Variants in TRIM59 observed in about 807,000 individuals in gnomAD.
TRIM59 encodes tripartite motif containing 59, also known as tripartite motif-containing protein 59.
TRIM59 carries 14 observed loss-of-function variants against 32.2 expected under a neutral mutation model. The observed-to-expected ratio is 0.43, with a 90% CI of 0.29 to 0.68. The LOEUF (loss-of-function observed/expected upper bound fraction) is 0.68, where lower values mean the gene tolerates loss of function less well. Among genes scored for constraint, TRIM59 ranks in the 30% least tolerant of loss-of-function variants. TRIM59 has a pLI of 0.15. For synonymous variants in TRIM59, 163 were observed against 155.1 expected, an observed-to-expected ratio of 1.05 and a Z score of -0.38; for missense variants, 471 against 463.3, an observed-to-expected ratio of 1.02 and a Z score of -0.15.
At position 160,435,951 on chromosome 3, in the gene TRIM59, CATA is replaced by C. The variant is rs1718919414; in HGVS notation, c.*2018_*2020del. The C allele has an allele frequency of 1.2e-5, 16 of 1,282,220 alleles. No individual in the cohort carries two copies. In the South Asian group the frequency reaches 1.4e-4, roughly 11 times the overall value. The allele number at this position is 1,282,220 out of a possible 1,614,324, so 79.4% of individuals were successfully genotyped here. On this transcript the variant is annotated 3_prime_UTR_variant, in exon 3 of 3. Coordinates refer to ENST00000309784, the MANE Select transcript of TRIM59 (RefSeq NM_173084.3). ...AGAAATGAGATTAAGTAGTTTAACACATAATGGCTAACATTTCATTGCTTACGT... is the reference window on the plus strand; with the variant it reads ...AGAAATGAGATTAAGTAGTTTAACACATGGCTAACATTTCATTGCTTACGT...
At chr3:160,442,348 A>C (rs1328549617) in intron 2 of TRIM59, among the ~76,000 whole-genome samples, 1 of 152,184 alleles carries the variant, frequency 6.6e-6, no homozygotes, top group Non-Finnish European at 1.5e-5. Context: ...GAAGCAGGCC[A>C]AAGCAGGTGG....
rs1057319630 is a variant in TRIM59, at chr3:160,448,766, C to G, written c.-44G>C. On this transcript the variant is annotated 5_prime_UTR_variant, in exon 2 of 3. Coordinates refer to ENST00000309784, the MANE Select transcript of TRIM59 (RefSeq NM_173084.3). Reference sequence around the variant, plus strand: ...GTTTGGGGGCTGAATACACTCTTCTCCAACTCCTCCAGAATCTTTTATTCT... The same window carrying G: ...GTTTGGGGGCTGAATACACTCTTCTGCAACTCCTCCAGAATCTTTTATTCT... 10 of 1,277,726 alleles carry G rather than the reference C, an allele frequency of 7.8e-6. No individual in the cohort carries two copies. In the Admixed American group the frequency reaches 9.5e-5, roughly 12 times the overall value. 79.1% of individuals were successfully genotyped at this position (1,277,726 alleles called of 1,614,324 possible).
chr3:160,436,190 CTT>C lies in TRIM59; in HGVS notation c.*1780_*1781del, dbSNP rs1463035650. 41 of 1,009,090 alleles carry C rather than the reference CTT, an allele frequency of 4.1e-5. No individual in the cohort carries two copies. The highest frequency in any genetic ancestry group is 4.6e-5 in the Non-Finnish European group (39 of 844,156). 62.5% of individuals were successfully genotyped at this position (1,009,090 alleles called of 1,614,324 possible). A position where few individuals can be genotyped will look rare whatever the true frequency, so the allele number is the denominator to read the frequency against. ...TAATACAGTCATCTTAGTGTTAAGACTTATTCTCAGCAGGTAAGAGTTTTAGA... is the reference window on the plus strand; with the variant it reads ...TAATACAGTCATCTTAGTGTTAAGACATTCTCAGCAGGTAAGAGTTTTAGA... On this transcript the variant is annotated 3_prime_UTR_variant, in exon 3 of 3. Transcript: ENST00000309784.
At chr3:160,449,445 C>G (rs910958200) in intron 1 of TRIM59, 1 of 1,166,036 alleles carries the variant, frequency 8.6e-7, no homozygotes, top group South Asian at 1.6e-5. Context: ...CGGGACTGAC[C>G]GACTCGGCGG....
intron 2 of TRIM59, among the ~76,000 whole-genome samples, chr3:160,446,153 T>A (rs546607955): frequency 9.2e-5 from 14 of 152,186 alleles, no homozygotes; most frequent in Non-Finnish European, 2.1e-4. Context: ...ATTAGCTATC[T>A]GTGATAGGTA....
Position 160,437,914 on chromosome 3 carries a change from CA to C in TRIM59, c.*57del, listed in dbSNP as rs1371862010. ...AGTTTGCTCTTTATCCATGCTACCC[CA>C]TTTTTTGTTTAGCAATGTACAGAAT... is the stretch of plus-strand genomic sequence containing the variant. On this transcript the variant is annotated 3_prime_UTR_variant, in exon 3 of 3. Coordinates refer to ENST00000309784, the MANE Select transcript of TRIM59 (RefSeq NM_173084.3). 1 of 1,439,478 alleles carries C rather than the reference CA, an allele frequency of 6.9e-7. No individual in the cohort carries two copies. Among genetic ancestry groups the C allele is most frequent in the East Asian group, 2.4e-5 (1 of 40,864 alleles). The allele number at this position is 1,439,478 out of a possible 1,614,324, so 89.2% of individuals were successfully genotyped here.
rs777421414 is a variant in TRIM59, at chr3:160,449,708, T to C, written c.-74+9A>G. The stretch of plus-strand genomic sequence containing the variant: ...CCTTCTCCGCATCCGTAAAGGTCCT[T>C]AGACTCACCGCGGGGAGGAAGCGGA... On this transcript the variant is annotated intron_variant, in intron 1 of 2. Transcript: ENST00000309784. 36 of 1,288,728 alleles carry C rather than the reference T, an allele frequency of 2.8e-5. No homozygotes were observed. In the South Asian group the frequency reaches 4.1e-4, roughly 15 times the overall value. 79.8% of individuals were successfully genotyped at this position (1,288,728 alleles called of 1,614,324 possible). A position where few individuals can be genotyped will look rare whatever the true frequency, so the allele number is the denominator to read the frequency against.
At position 160,442,640 on chromosome 3, in the gene TRIM59, T is replaced by C. The variant is rs1168074924; in HGVS notation, c.-3-3454A>G. ...ATGTAAAATTTTTAATAATACTTTT[T>C]AGACAAAAATTTGTGGATAACTTGA... On this transcript the variant is annotated intron_variant, in intron 2 of 2. Coordinates refer to ENST00000309784, the MANE Select transcript of TRIM59 (RefSeq NM_173084.3). 2.0e-5 allele frequency among the ~76,000 whole-genome samples: 3 copies of C among 152,346 alleles called. No homozygotes were observed. In the East Asian group the frequency reaches 5.8e-4, roughly 29 times the overall value.
Position 160,449,575 on chromosome 3 carries a change from G to T in TRIM59, c.-74+142C>A, listed in dbSNP as rs1719716273. On this transcript the variant is annotated intron_variant, in intron 1 of 2. Coordinates refer to ENST00000309784, the MANE Select transcript of TRIM59 (RefSeq NM_173084.3). Reference sequence around the variant, plus strand: ...TCCAGTATGGGACAAGAGGGAATGAGTGCAGGTCCCAAGCCACTCCCTCCA... The same window carrying T: ...TCCAGTATGGGACAAGAGGGAATGATTGCAGGTCCCAAGCCACTCCCTCCA... 24 of 1,288,642 alleles carry T rather than the reference G, an allele frequency of 1.9e-5. No individual in the cohort carries two copies. In the South Asian group the frequency reaches 2.7e-4, roughly 15 times the overall value. The allele number at this position is 1,288,642 out of a possible 1,614,324, so 79.8% of individuals were successfully genotyped here.
At chr3:160,439,225 C>T in intron 2 of TRIM59, 39 bp from the exon 3 acceptor site, 3 of 1,448,878 alleles carry the variant, frequency 2.1e-6, no homozygotes, top group Non-Finnish European at 2.7e-6. Context: ...TACATAGAGA[C>T]ACCTGTACAT....
chr3:160,448,987 G>A (rs1282004662), intron 1 of TRIM59, 192 bp from the exon 2 acceptor site: 2 of 292,310 alleles, frequency 6.8e-6, no homozygotes, highest in African/African-American at 4.6e-5. Context: ...TCCTAACTCT[G>A]ACCAAACAGA....
At chr3:160,441,012 A>G (rs1719211631) in intron 2 of TRIM59, among the ~76,000 whole-genome samples, 1 of 152,264 alleles carries the variant, frequency 6.6e-6, no homozygotes, top group Non-Finnish European at 1.5e-5. Context: ...GAAAACAGCA[A>G]CTAAAAGTAA....
chr3:160,443,631 T>C (rs1303762159), intron 2 of TRIM59, among the ~76,000 whole-genome samples: 2 of 151,566 alleles, frequency 1.3e-5, no homozygotes, highest in Non-Finnish European at 2.9e-5. Flanking sequence ...GGAAGAAAGA[T>C]CCAAAAGACA....
rs78639484 is a variant in TRIM59, at chr3:160,440,388, A to G, written c.-3-1202T>C. Among the ~76,000 whole-genome samples, 936 of 152,314 alleles carry G rather than the reference A, an allele frequency of 6.1e-3. 10 individuals carry two copies. The highest frequency in any genetic ancestry group is 0.022 in the African/African-American group (906 of 41,560). Reference sequence around the variant, plus strand: ...TTCTCTGAGACAGAAAAAGAAACGTAGCGATAGTTCAGAGACCATCTCTGA... The same window carrying G: ...TTCTCTGAGACAGAAAAAGAAACGTGGCGATAGTTCAGAGACCATCTCTGA... On this transcript the variant is annotated intron_variant, in intron 2 of 2. Coordinates refer to ENST00000309784, the MANE Select transcript of TRIM59 (RefSeq NM_173084.3).
chr3:160,435,721 C>CTAAAATGATATA lies in TRIM59; in HGVS notation c.*2239_*2250dup, dbSNP rs1474365435. 3.9e-6 allele frequency: 1 copy of CTAAAATGATATA among 258,200 alleles called. No homozygotes were observed. Among genetic ancestry groups the CTAAAATGATATA allele is most frequent in the African/African-American group, 2.3e-5 (1 of 44,022 alleles). The allele number at this position is 258,200 out of a possible 1,614,324, so 16.0% of individuals were successfully genotyped here. A position where few individuals can be genotyped will look rare whatever the true frequency, so the allele number is the denominator to read the frequency against. ...ACTGGCAAGATACAAAATGTCAAAT[C>CTAAAATGATATA]TAAAATGATATATATACTTACGTTT... On this transcript the variant is annotated 3_prime_UTR_variant, in exon 3 of 3. Transcript: ENST00000309784.
In TRIM59 at chr3:160,437,854, ATT is replaced by A. The variant is rs920748780; in HGVS notation, c.*116_*117del. The A allele has an allele frequency of 3.8e-5, 50 of 1,322,502 alleles. No individual in the cohort carries two copies. In the African/African-American group the frequency reaches 7.0e-4, roughly 18 times the overall value. 81.9% of individuals were successfully genotyped at this position (1,322,502 alleles called of 1,614,324 possible). On this transcript the variant is annotated 3_prime_UTR_variant, in exon 3 of 3. Coordinates refer to ENST00000309784, the MANE Select transcript of TRIM59 (RefSeq NM_173084.3). ...ACCAAAAGAAGCAACAAATATAAACATTTGTTTATATTAGTTGCAGCACTAAT... is the reference window on the plus strand; with the variant it reads ...ACCAAAAGAAGCAACAAATATAAACATGTTTATATTAGTTGCAGCACTAAT...
chr3:160,438,533 T>C lies in TRIM59; in HGVS notation c.651A>G (p.Glu217=). Residue 217 remains glutamate, a synonymous_variant, in exon 3 of 3, where the codon GAA becomes GAG. Coordinates refer to ENST00000309784, the MANE Select transcript of TRIM59 (RefSeq NM_173084.3). ...TCATTCTTTCAATTTGTGGAGTATA[T>C]TCTTGATTAATTAGATTGCCAACAT... ...LCDVGNLINQ[E]YTPQIERMKE... is the part of the protein sequence containing the mutation. 1 of 1,612,076 alleles carries C rather than the reference T, an allele frequency of 6.2e-7. No homozygotes were observed. Among genetic ancestry groups the C allele is most frequent in the Non-Finnish European group, 8.5e-7 (1 of 1,179,572 alleles).
In TRIM59 at chr3:160,436,423, C is replaced by A; in HGVS notation, c.*1549G>T. 1 of 985,936 alleles carries A rather than the reference C, an allele frequency of 1.0e-6. No individual in the cohort carries two copies. The highest frequency in any genetic ancestry group is 1.2e-6 in the Non-Finnish European group (1 of 829,986). The allele number at this position is 985,936 out of a possible 1,614,324, so 61.1% of individuals were successfully genotyped here. On this transcript the variant is annotated 3_prime_UTR_variant, in exon 3 of 3. Coordinates refer to ENST00000309784, the MANE Select transcript of TRIM59 (RefSeq NM_173084.3). ...GGACAGTGGGCCAAAAGTCGTAACA[C>A]ATGCATCATAACTCCAGTCCCTGTT...
At chr3:160,448,506 CAA>C (rs1024535426) in intron 2 of TRIM59, among the ~76,000 whole-genome samples, 15 of 152,258 alleles carry the variant, frequency 9.9e-5, no homozygotes, top group Admixed American at 9.2e-4. Flanking sequence ...GAAGGATGTA[CAA>C]AAGAGTTAAG....
Sources: gnomAD v4.1 joint callset for allele counts (sites outside exome capture counted in the v4.1 genomes callset) on GRCh38, gnomAD v4.1.1 for gene constraint, MANE v1.5 for transcripts, NCBI Gene and HGNC (gene_info 2026-07-23, HGNC 2026-07-21) for gene names.